The following PCDH7 variants were observed in gnomAD, a reference collection of about 807,000 sequenced individuals.
PCDH7 encodes the protein protocadherin 7.
Under a neutral mutation model 58.9 loss-of-function variants are expected in PCDH7, and 17 were observed. That is an observed-to-expected ratio of 0.29 (90% confidence interval 0.20 to 0.43). The LOEUF is 0.43. Ranked by LOEUF, PCDH7 falls within the 20% of genes least tolerant of loss-of-function variation. The probability of loss-of-function intolerance (pLI) is 1.00; values close to 1 mark genes in which losing one functional copy is unlikely to be tolerated. For synonymous variants in PCDH7, 664 were observed against 616.4 expected (o/e 1.08, Z -1.14); for missense variants, 1,274 against 1,441.0 (o/e 0.88, Z 1.88).
chr4:30,892,556 T>G (rs913540463), intron 1 of PCDH7, among the ~76,000 whole-genome samples: 6 of 152,020 alleles, frequency 3.9e-5, no homozygotes, highest in Non-Finnish European at 7.4e-5. Context: ...TAAACAGAAT[T>G]CTAAAGTGGA....
intron 2 of PCDH7, among the ~76,000 whole-genome samples, chr4:30,924,176 C>G (rs899173216): frequency 5.3e-5 from 8 of 152,276 alleles, no homozygotes; most frequent in Admixed American, 2.0e-4. Context: ...AAAGCCCCCT[C>G]TAAATTATCT....
chr4:30,772,693 G>A (rs190500094), intron 1 of PCDH7, among the ~76,000 whole-genome samples: 4 of 152,264 alleles, frequency 2.6e-5, no homozygotes, highest in African/African-American at 7.2e-5. Flanking sequence ...CTATGGATAG[G>A]TATCTTTGAA....
At chr4:30,762,226 T>C (rs1015956781) in intron 1 of PCDH7, among the ~76,000 whole-genome samples, 1 of 152,182 alleles carries the variant, frequency 6.6e-6, no homozygotes, top group African/African-American at 2.4e-5. Context: ...CAGTAGTTTT[T>C]TTCTTAGCAA....
intron 1 of PCDH7, among the ~76,000 whole-genome samples, chr4:30,822,998 G>A (rs1243047872): frequency 2.6e-5 from 4 of 152,136 alleles, no homozygotes; most frequent in Non-Finnish European, 5.9e-5. Flanking sequence ...AAGCCTTAGA[G>A]CCCAGATGCA....
At chr4:31,098,164 G>A (rs1308246339) in intron 3 of PCDH7, among the ~76,000 whole-genome samples, 1 of 152,178 alleles carries the variant, frequency 6.6e-6, no homozygotes, top group Non-Finnish European at 1.5e-5. Context: ...ACGCAGGGAT[G>A]TCACTGCCCA....
Position 30,722,258 on chromosome 4 carries a change from G to A in PCDH7, c.836G>A (p.Arg279Gln), listed in dbSNP as rs758406015. The change falls in exon 1 of 2, where the codon CGA (arginine) becomes CAA (glutamine). Residue 279 changes from arginine (R) to glutamine (Q), a missense_variant. By Grantham distance (43) the Arg-to-Gln change is conservative. This residue lies in a region of PCDH7 where 331 missense variants were observed against 303.2 expected (regional missense o/e 1.09). Coordinates refer to ENST00000361762, the Ensembl canonical transcript of PCDH7. The surrounding 1 kb of genome is among the most constrained non-coding windows in gnomAD (Gnocchi z 7.6). Reference sequence around the variant, plus strand: ...CGCGACTCCTACGAGCTGACCCTGCGAGTGCGCGACGGCGGCGACCCGCCT... The same window carrying A: ...CGCGACTCCTACGAGCTGACCCTGCAAGTGCGCGACGGCGGCGACCCGCCT... The A allele has an allele frequency of 1.9e-6, 3 of 1,596,768 alleles. No individual in the cohort carries two copies. The highest frequency in any genetic ancestry group is 2.6e-6 in the Non-Finnish European group (3 of 1,172,846).
chr4:31,068,318 T>A (rs570015579), intron 3 of PCDH7, among the ~76,000 whole-genome samples: 25 of 149,004 alleles, frequency 1.7e-4, no homozygotes, highest in African/African-American at 5.6e-4. Flanking sequence ...AAAAAAAAAG[T>A]CTTTAATAAA....
At chr4:30,798,993 A>G (rs911563702) in intron 1 of PCDH7, among the ~76,000 whole-genome samples, 10 of 152,130 alleles carry the variant, frequency 6.6e-5, no homozygotes, top group African/African-American at 2.4e-4. Flanking sequence ...TTTTCTTTTG[A>G]AAAAAATATA....
chr4:30,752,374 T>C (rs572314759), intron 1 of PCDH7, among the ~76,000 whole-genome samples: 1 of 152,238 alleles, frequency 6.6e-6, no homozygotes, highest in Admixed American at 6.5e-5. Context: ...TTTGGCATGA[T>C]GGAGCAGGTT....
At chr4:30,835,142 T>C (rs1346879734) in intron 1 of PCDH7, among the ~76,000 whole-genome samples, 4 of 152,010 alleles carry the variant, frequency 2.6e-5, no homozygotes, top group Non-Finnish European at 5.9e-5. Flanking sequence ...TGAGGGAAAA[T>C]TCGTAATAAT....
intron 1 of PCDH7, among the ~76,000 whole-genome samples, chr4:30,815,192 A>G (rs537557983): frequency 2.2e-4 from 34 of 151,806 alleles, no homozygotes; most frequent in Non-Finnish European, 4.3e-4. Flanking sequence ...ATTTATATAT[A>G]CATGCACATC....
At chr4:30,754,763 AC>A (rs1342655120) in intron 1 of PCDH7, among the ~76,000 whole-genome samples, 2 of 13,470 alleles carry the variant, frequency 1.5e-4, no homozygotes, top group Non-Finnish European at 4.8e-4. Flanking sequence ...ACTTATATGT[AC>A]TTTTTTTTTG....
At chr4:31,104,306 A>G (rs1185780962) in intron 3 of PCDH7, among the ~76,000 whole-genome samples, 1 of 152,174 alleles carries the variant, frequency 6.6e-6, no homozygotes, top group Non-Finnish European at 1.5e-5. Context: ...GAGTAAATGC[A>G]TTCATCCCTA....
intron 1 of PCDH7, among the ~76,000 whole-genome samples, chr4:30,870,215 T>A (rs1285366662): frequency 6.6e-6 from 1 of 152,128 alleles, no homozygotes; most frequent in Non-Finnish European, 1.5e-5. Flanking sequence ...ATGCAAAAAT[T>A]TTCTCCCATT....
chr4:31,067,116 A>G (rs556962339), intron 3 of PCDH7, among the ~76,000 whole-genome samples: 1 of 152,070 alleles, frequency 6.6e-6, no homozygotes, highest in South Asian at 2.1e-4. Context: ...GGGGAGATCC[A>G]TGCTTTCCAA....
chr4:30,921,200 A>G (rs1285117394), intron 2 of PCDH7, among the ~76,000 whole-genome samples: 1 of 152,160 alleles, frequency 6.6e-6, no homozygotes, highest in Non-Finnish European at 1.5e-5. Flanking sequence ...AAATAATGGA[A>G]TGGTAAAATT....
intron 3 of PCDH7, among the ~76,000 whole-genome samples, chr4:31,107,194 A>T (rs1715684996): frequency 6.6e-6 from 1 of 152,214 alleles, no homozygotes; most frequent in Non-Finnish European, 1.5e-5. Flanking sequence ...AAATTTTTTT[A>T]TAACTAAGTA....
At chr4:31,027,594 T>A (rs1339464309) in intron 3 of PCDH7, among the ~76,000 whole-genome samples, 1 of 152,014 alleles carries the variant, frequency 6.6e-6, no homozygotes, top group Non-Finnish European at 1.5e-5. Flanking sequence ...AACTAATTTT[T>A]GTGTTTTTAG....
intron 1 of PCDH7, among the ~76,000 whole-genome samples, chr4:30,841,400 C>T (rs1209627688): frequency 6.6e-6 from 1 of 152,076 alleles, no homozygotes; most frequent in Non-Finnish European, 1.5e-5. Context: ...AATATCTCTG[C>T]CATTCTTGTT....
Sources: allele counts gnomAD v4.1 joint callset (sites outside exome capture counted in the v4.1 genomes callset), GRCh38; gene constraint gnomAD v4.1.1; regional missense constraint gnomAD v4.1.1; non-coding constraint Gnocchi (gnomAD v3.1); transcripts MANE v1.5; gene names NCBI Gene and HGNC (gene_info 2026-07-23, HGNC 2026-07-21).